The following DMD variants were observed in gnomAD, a reference collection of about 807,000 sequenced individuals.
DMD encodes dystrophin.
A neutral mutation model predicts 330.1 loss-of-function variants in DMD; 63 were observed. The observed-to-expected ratio is 0.19, with a 90% CI of 0.16 to 0.24. The LOEUF (loss-of-function observed/expected upper bound fraction) is 0.24, where lower values mean the gene tolerates loss of function less well. DMD is among the 10% of genes least tolerant of loss of function. The pLI is 1.00. For missense variants in DMD, 3,344 were observed against 2,684.1 expected (o/e 1.25, Z -5.43); for synonymous variants, 1,223 against 959.8 (o/e 1.27, Z -5.07).
At chrX:32,500,866 A>G (rs1214973672) in intron 19 of DMD, among the ~76,000 whole-genome samples, 17 of 112,078 alleles carry the variant, frequency 1.5e-4, no homozygotes, top group Non-Finnish European at 1.9e-5. Flanking sequence ...ATTAAGGCAA[A>G]AAATAACTTA....
chrX:32,304,500 G>A (rs12007028), intron 42 of DMD, among the ~76,000 whole-genome samples: 20,206 of 110,190 alleles, frequency 0.18, 1,425 homozygotes, highest in Admixed American at 0.24. Context: ...AAACTGTACC[G>A]AAGCACATAT....
intron 55 of DMD, among the ~76,000 whole-genome samples, chrX:31,614,777 C>T (rs886332106): frequency 2.7e-5 from 3 of 111,883 alleles, no homozygotes; most frequent in Non-Finnish European, 5.6e-5. Context: ...TGTGAACTTT[C>T]TGACATTTTA....
At chrX:32,806,888 A>T in intron 7 of DMD, among the ~76,000 whole-genome samples, 1 of 110,284 alleles carries the variant, frequency 9.1e-6, no homozygotes, top group Non-Finnish European at 1.9e-5. Context: ...AAGTTCTTTG[A>T]AACCAATGAG....
At chrX:33,119,170 T>C (rs146225761) in intron 1 of DMD, among the ~76,000 whole-genome samples, 3,315 of 112,197 alleles carry the variant, frequency 0.03, 128 homozygotes, top group African/African-American at 0.1. Context: ...ACATTGTATA[T>C]ATAATAGAGA....
chrX:31,195,034 A>G (rs950297592), intron 67 of DMD, among the ~76,000 whole-genome samples: 5 of 111,993 alleles, frequency 4.5e-5, no homozygotes, highest in Non-Finnish European at 9.4e-5. Flanking sequence ...TTAAGGATTG[A>G]GAGGTCAAGA....
chrX:32,967,388 T>C (rs1042669899), intron 2 of DMD, among the ~76,000 whole-genome samples: 1 of 112,020 alleles, frequency 8.9e-6, no homozygotes, highest in African/African-American at 3.2e-5. Context: ...AGTACATTAA[T>C]GAGCAAGTTA....
intron 34 of DMD, among the ~76,000 whole-genome samples, chrX:32,374,950 G>A (rs939545974): frequency 2.7e-5 from 3 of 111,733 alleles, no homozygotes; most frequent in Admixed American, 9.6e-5. Context: ...TTTACAAAAA[G>A]GGAAATAAGA....
chrX:32,815,137 C>A (rs1451697784), intron 6 of DMD, among the ~76,000 whole-genome samples: 1 of 110,699 alleles, frequency 9.0e-6, no homozygotes, highest in Non-Finnish European at 1.9e-5. Context: ...AGTAATTCAC[C>A]TGGAAACCCA....
At chrX:32,286,562 G>A (rs1212355823) in intron 43 of DMD, among the ~76,000 whole-genome samples, 1 of 111,670 alleles carries the variant, frequency 9.0e-6, no homozygotes, top group African/African-American at 3.3e-5. Flanking sequence ...AGGAGTCAGG[G>A]TTTCATTCTC....
intron 63 of DMD, among the ~76,000 whole-genome samples, chrX:31,252,678 C>A (rs1032556323): frequency 3.8e-5 from 4 of 105,177 alleles, no homozygotes; most frequent in Non-Finnish European, 8.0e-5. Flanking sequence ...GAAAACTCTT[C>A]GCCATTGTAA....
At chrX:31,897,253 C>T (rs2094351966) in intron 47 of DMD, among the ~76,000 whole-genome samples, 1 of 111,856 alleles carries the variant, frequency 8.9e-6, no homozygotes, top group African/African-American at 3.2e-5. Flanking sequence ...GACATGAACT[C>T]ATCCTTTTTT....
At chrX:31,452,439 C>T (rs933027880) in intron 59 of DMD, among the ~76,000 whole-genome samples, 4 of 108,909 alleles carry the variant, frequency 3.7e-5, no homozygotes, top group South Asian at 8.0e-4. Flanking sequence ...AAAAATTAGC[C>T]GGGCATGGTG....
intron 44 of DMD, among the ~76,000 whole-genome samples, chrX:32,055,651 G>T (rs1333636647): frequency 9.0e-6 from 1 of 111,423 alleles, no homozygotes; most frequent in Non-Finnish European, 1.9e-5. Context: ...ATTATTATTT[G>T]TCAATTAAAA....
At chrX:32,893,534 CTT>C (rs1160954070) in intron 2 of DMD, among the ~76,000 whole-genome samples, 1 of 112,134 alleles carries the variant, frequency 8.9e-6, no homozygotes, top group African/African-American at 3.2e-5. Context: ...GTAATTTACT[CTT>C]TGTCTTATCA....
intron 12 of DMD, among the ~76,000 whole-genome samples, chrX:32,596,681 G>A (rs1347417549): frequency 9.1e-6 from 1 of 110,367 alleles, no homozygotes; most frequent in East Asian, 2.9e-4. Flanking sequence ...GAGTAGCTGA[G>A]ATTACAGGTG....
intron 9 of DMD, among the ~76,000 whole-genome samples, chrX:32,668,148 G>A (rs1174218241): frequency 4.6e-5 from 5 of 108,809 alleles, no homozygotes; most frequent in Non-Finnish European, 9.6e-5. Context: ...ACTCCATCTC[G>A]GGAAAAAAAA....
intron 9 of DMD, among the ~76,000 whole-genome samples, chrX:32,648,245 TTAAAGA>T (rs1240004253): frequency 8.9e-6 from 1 of 111,782 alleles, no homozygotes; most frequent in Non-Finnish European, 1.9e-5. Flanking sequence ...GACAGCCTTC[TTAAAGA>T]TAAATTCAAA....
chrX:32,372,280 C>T (rs1356233997), intron 34 of DMD, among the ~76,000 whole-genome samples: 2 of 111,839 alleles, frequency 1.8e-5, no homozygotes, highest in African/African-American at 3.2e-5. Context: ...ATGTGTCAGG[C>T]AATATCTTAT....
chrX:31,724,742 G>A (rs770581523), intron 52 of DMD, among the ~76,000 whole-genome samples: 2 of 111,806 alleles, frequency 1.8e-5, no homozygotes, highest in Admixed American at 9.5e-5. Flanking sequence ...CATCTAATAT[G>A]TGCCACATAT....
Sources: allele counts gnomAD v4.1 joint callset (sites outside exome capture counted in the v4.1 genomes callset), GRCh38; gene constraint gnomAD v4.1.1; transcripts MANE v1.5; gene names NCBI Gene and HGNC (gene_info 2026-07-23, HGNC 2026-07-21).